The following KANK1 variants were observed in gnomAD, a reference collection of about 807,000 sequenced individuals.
The protein encoded by KANK1 is KN motif and ankyrin repeat domain-containing protein 1.
Under a neutral mutation model 106.2 loss-of-function variants are expected in KANK1, and 109 were observed. That is an observed-to-expected ratio of 1.03 (90% CI 0.88 to 1.20). The LOEUF (loss-of-function observed/expected upper bound fraction) is 1.20. KANK1 is among the 50% of genes most tolerant of loss of function. The pLI, the probability that KANK1 is intolerant of heterozygous loss-of-function variation, is 0.00. For missense variants in KANK1, 2,399 were observed against 1,710.7 expected, an observed-to-expected ratio of 1.40 and a Z score of -7.10; for synonymous variants, 873 against 652.2, an observed-to-expected ratio of 1.34 and a Z score of -5.16.
intron 1 of KANK1, among the ~76,000 whole-genome samples, chr9:579,283 G>C (rs1372141816): frequency 1.3e-5 from 2 of 152,046 alleles, no homozygotes; most frequent in African/African-American, 2.4e-5. Flanking sequence ...AATGGGGAAA[G>C]GATGGTATTC....
chr9:560,211 G>A (rs1275831033), intron 1 of KANK1, among the ~76,000 whole-genome samples: 2 of 152,176 alleles, frequency 1.3e-5, no homozygotes, highest in Non-Finnish European at 2.9e-5. Flanking sequence ...TTATTGGAGA[G>A]AGAATTTGGG....
At chr9:502,609 A>C (rs12002448), upstream of KANK1, among the ~76,000 whole-genome samples, 28,914 of 150,382 alleles carry the variant, frequency 0.19, 5,737 homozygotes, top group African/African-American at 0.51. Context: ...CTGCAACCTC[A>C]GCTTCCCGGG....
chr9:595,470 C>G lies in KANK1; in HGVS notation c.-83-81420C>G, dbSNP rs1034713146. Among the ~76,000 whole-genome samples the G allele has an allele frequency of 2.0e-5, 3 of 152,004 alleles. No individual in the cohort carries two copies. In the East Asian group the frequency reaches 5.8e-4, roughly 29 times the overall value. ...CCGAGGAAAAGCCTGCAAAATGAGC[C>G]TGCTGCGATATAGGGTGTGCTTTTG... On this transcript the variant is annotated intron_variant, in intron 1 of 11. Coordinates refer to ENST00000382297, the MANE Select transcript of KANK1 (RefSeq NM_015158.5).
intron 1 of KANK1, among the ~76,000 whole-genome samples, chr9:662,885 C>T (rs1189364160): frequency 6.6e-6 from 1 of 152,182 alleles, no homozygotes; most frequent in Non-Finnish European, 1.5e-5. Flanking sequence ...TGGTCTCAAA[C>T]TCCTGACCTC....
chr9:609,382 C>G (rs1830062699), intron 1 of KANK1, among the ~76,000 whole-genome samples: 1 of 152,192 alleles, frequency 6.6e-6, no homozygotes, highest in Admixed American at 6.5e-5. Context: ...AATCCCAGCA[C>G]TTTGGGAGGC....
At chr9:672,626 C>G (rs765685569) in intron 1 of KANK1, among the ~76,000 whole-genome samples, 34 of 152,114 alleles carry the variant, frequency 2.2e-4, no homozygotes, top group Admixed American at 1.3e-4. Flanking sequence ...GAGTATATAT[C>G]AAATCTCAAT....
chr9:488,596 C>G (rs941911218), intron 3 of KANK1, among the ~76,000 whole-genome samples: 1 of 152,160 alleles, frequency 6.6e-6, no homozygotes, highest in Non-Finnish European at 1.5e-5. Flanking sequence ...AACATCCTTC[C>G]TGTCTCATTC....
At chr9:717,194 A>T (rs1185868595) in intron 3 of KANK1, among the ~76,000 whole-genome samples, 1 of 151,808 alleles carries the variant, frequency 6.6e-6, no homozygotes, top group Non-Finnish European at 1.5e-5. Flanking sequence ...CTGAGGTGGG[A>T]AGATCACCGG....
intron 1 of KANK1, among the ~76,000 whole-genome samples, chr9:511,926 G>C (rs2132855027): frequency 6.6e-6 from 1 of 152,230 alleles, no homozygotes; most frequent in East Asian, 1.9e-4. Flanking sequence ...GGCTGGGCTG[G>C]GTGATTCTGC....
chr9:687,676 C>G (rs1042237600), intron 2 of KANK1, among the ~76,000 whole-genome samples: 4 of 152,088 alleles, frequency 2.6e-5, no homozygotes, highest in African/African-American at 9.7e-5. Context: ...TAATATAAGC[C>G]CTTCTTATCC....
At chr9:643,363 A>G (rs1002214749) in intron 1 of KANK1, among the ~76,000 whole-genome samples, 1 of 150,818 alleles carries the variant, frequency 6.6e-6, no homozygotes, top group Admixed American at 6.6e-5. Context: ...TCTTTCAAAT[A>G]CTAGTTAACT....
Position 745,213 on chromosome 9 carries a change from C to T in KANK1, c.4037C>T (p.Thr1346Ile), listed in dbSNP as rs2132430598. The change falls in exon 12 of 12, where the codon ACC (threonine) becomes ATC (isoleucine). Residue 1346 changes from threonine (T) to isoleucine (I), a missense_variant. Coordinates refer to ENST00000382297, the MANE Select transcript of KANK1 (RefSeq NM_015158.5). ...GGAAGGAAGACGTCTCCTGGCCCCACCCACCGAGGTTCATTTGATTGATTG... is the reference window on the plus strand; with the variant it reads ...GGAAGGAAGACGTCTCCTGGCCCCATCCACCGAGGTTCATTTGATTGATTG... The part of the protein sequence containing the change: ...RLGRKTSPGP[T>I]HRGSFD The T allele has an allele frequency of 1.9e-6, 3 of 1,614,060 alleles. No homozygotes were observed. The highest frequency in any genetic ancestry group is 2.5e-6 in the Non-Finnish European group (3 of 1,179,992).
intron 1 of KANK1, among the ~76,000 whole-genome samples, chr9:604,566 T>A (rs1828605961): frequency 6.6e-6 from 1 of 151,740 alleles, no homozygotes; most frequent in Admixed American, 6.6e-5. Flanking sequence ...GTGCAGTGGC[T>A]CACACCTGTA....
At position 738,339 on chromosome 9, in the gene KANK1, T is replaced by G. The variant is rs377535554; in HGVS notation, c.3388T>G (p.Ser1130Ala). Residue 1130 changes from serine to alanine, a missense_variant, in exon 8 of 12, where the codon TCA becomes GCA. Coordinates refer to ENST00000382297, the MANE Select transcript of KANK1 (RefSeq NM_015158.5). The stretch of plus-strand genomic sequence containing the variant: ...GTGGTTCCGCGTGTCCAGTCAGAAG[T>G]CAGCCATTCCAGCCATGGTGGGGGA... ...HEWFRVSSQK[S>A]AIPAMVGDYI... The G allele has an allele frequency of 1.5e-5, 25 of 1,614,016 alleles. No individual in the cohort carries two copies. The highest frequency in any genetic ancestry group is 5.9e-6 in the Non-Finnish European group (7 of 1,180,018).
chr9:577,542 A>T (rs945254922), intron 1 of KANK1, among the ~76,000 whole-genome samples: 1 of 152,136 alleles, frequency 6.6e-6, no homozygotes, highest in Non-Finnish European at 1.5e-5. Context: ...TCCGCACCCG[A>T]CCCAGAAGCT....
chr9:630,681 C>G (rs573491977), intron 1 of KANK1, among the ~76,000 whole-genome samples: 1 of 152,090 alleles, frequency 6.6e-6, no homozygotes, highest in Non-Finnish European at 1.5e-5. Flanking sequence ...GCGGTCAGAT[C>G]ACCTGAGGTC....
chr9:709,733 A>T (rs567851922), intron 2 of KANK1, among the ~76,000 whole-genome samples: 1 of 151,472 alleles, frequency 6.6e-6, no homozygotes, highest in African/African-American at 2.4e-5. Context: ...CTCCTGCCTC[A>T]GCCTCCCAAG....
At chr9:477,639 G>A (rs1296352740) in intron 3 of KANK1, 3 of 152,230 alleles carry the variant, frequency 2.0e-5, no homozygotes, top group Non-Finnish European at 4.4e-5. Flanking sequence ...GATATCACAA[G>A]TAGTAGATAA....
intron 1 of KANK1, among the ~76,000 whole-genome samples, chr9:623,578 C>T (rs1214356026): frequency 6.8e-6 from 1 of 146,950 alleles, no homozygotes; most frequent in Non-Finnish European, 1.5e-5. Context: ...GCCCTCCAGC[C>T]TGGGCAACAG....
Sources: gnomAD v4.1 joint callset for allele counts (sites outside exome capture counted in the v4.1 genomes callset) on GRCh38, gnomAD v4.1.1 for gene constraint, MANE v1.5 for transcripts, NCBI Gene and HGNC (gene_info 2026-07-23, HGNC 2026-07-21) for gene names.